The following CCDC47 variants were observed in gnomAD, a reference collection of about 807,000 sequenced individuals.
CCDC47 encodes the protein coiled-coil domain containing 47, also known as PAT complex subunit CCDC47.
A neutral mutation model predicts 60.5 loss-of-function variants in CCDC47; 41 were observed. The observed-to-expected ratio is 0.68, with a 90% confidence interval of 0.53 to 0.88. CCDC47 has a LOEUF of 0.88. CCDC47 is among the 40% of genes least tolerant of loss of function. CCDC47 has a pLI of 0.00. For missense variants in CCDC47, 513 were observed against 580.9 expected (o/e 0.88, Z 1.20); for synonymous variants, 195 against 190.7 (o/e 1.02, Z -0.18).
intron 12 of CCDC47, among the ~76,000 whole-genome samples, chr17:63,749,594 C>T (rs912597272): frequency 7.9e-5 from 12 of 151,214 alleles, no homozygotes; most frequent in Non-Finnish European, 1.8e-4. Flanking sequence ...ACTAAAAATA[C>T]AAAAATTAGC....
intron 12 of CCDC47, 74 bp downstream of exon 12, chr17:63,751,866 C>A: frequency 6.5e-7 from 1 of 1,539,020 alleles, no homozygotes; most frequent in African/African-American, 1.4e-5. Flanking sequence ...ACAAAGATTA[C>A]CTTAACAACC....
intron 4 of CCDC47, among the ~76,000 whole-genome samples, chr17:63,763,089 T>C (rs1308863115): frequency 6.6e-6 from 1 of 152,074 alleles, no homozygotes; most frequent in Non-Finnish European, 1.5e-5. Flanking sequence ...GGCCAATTTT[T>C]ATTTTATTTT....
At chr17:63,763,524 C>CA (rs919896810) in intron 4 of CCDC47, among the ~76,000 whole-genome samples, 15 of 150,884 alleles carry the variant, frequency 9.9e-5, no homozygotes, top group African/African-American at 3.2e-4. Context: ...GACCTTGCCT[C>CA]AAAAAAATAA....
intron 12 of CCDC47, among the ~76,000 whole-genome samples, chr17:63,748,113 C>T (rs887026506): frequency 6.6e-6 from 1 of 151,914 alleles, no homozygotes; most frequent in South Asian, 2.1e-4. Context: ...CTATGGCCTC[C>T]CAACGTGCTG....
intron 6 of CCDC47, 61 bp downstream of exon 6, chr17:63,760,853 A>T: frequency 1.8e-5 from 21 of 1,151,690 alleles, no homozygotes; most frequent in Non-Finnish European, 2.6e-5. Flanking sequence ...AAAAAAAAAA[A>T]GAAAGAAAGA....
chr17:63,758,900 A>G (rs1452267589), intron 6 of CCDC47, among the ~76,000 whole-genome samples: 1 of 152,212 alleles, frequency 6.6e-6, no homozygotes, highest in East Asian at 1.9e-4. Flanking sequence ...AAAAGGGGCA[A>G]ATAAAATATA....
chr17:63,757,174 A>C (rs966904314), intron 6 of CCDC47, among the ~76,000 whole-genome samples: 11 of 148,942 alleles, frequency 7.4e-5, no homozygotes, highest in African/African-American at 2.5e-4. Context: ...CAGCCTAGGC[A>C]ACATAATGGG....
In CCDC47 at chr17:63,768,472, G is replaced by A. The variant is rs59373581; in HGVS notation, c.-19-2278C>T. Among the ~76,000 whole-genome samples, 54 of 151,448 alleles carry A rather than the reference G, an allele frequency of 3.6e-4. No homozygotes were observed. In the South Asian group the frequency reaches 0.011, roughly 31 times the overall value. ...GGAGACTGGGGTGAGTGAACTGCTC[G>A]AGCCCAAGAGTTGGAGACCAGCCTT... is the stretch of plus-strand genomic sequence containing the variant. On this transcript the variant is annotated intron_variant, in intron 1 of 12. Transcript: ENST00000225726.
At chr17:63,751,863 T>TTA in intron 12 of CCDC47, 77 bp downstream of exon 12, 1 of 1,514,344 alleles carries the variant, frequency 6.6e-7, no homozygotes, top group Non-Finnish European at 9.2e-7. Flanking sequence ...CCTACAAAGA[T>TTA]TACCTTAACA....
intron 12 of CCDC47, 54 bp downstream of exon 12, chr17:63,751,886 C>G (rs781595333): frequency 6.3e-7 from 1 of 1,587,544 alleles, no homozygotes; most frequent in East Asian, 2.2e-5. Flanking sequence ...CAACAGAACA[C>G]AAGCAGTCAT....
intron 8 of CCDC47, among the ~76,000 whole-genome samples, chr17:63,755,955 G>A (rs1402384206): frequency 6.8e-6 from 1 of 147,964 alleles, no homozygotes; most frequent in African/African-American, 2.5e-5. Context: ...TAAATGACAT[G>A]ACGAAAAAGA....
chr17:63,759,508 AATATAT>A (rs1415946852), intron 6 of CCDC47, among the ~76,000 whole-genome samples: 1 of 19,648 alleles, frequency 5.1e-5, no homozygotes, highest in Non-Finnish European at 7.2e-5. Context: ...AAAAAAAAAA[AATATAT>A]ATATATATAT....
At chr17:63,770,479 G>A (rs1386629425) in intron 1 of CCDC47, among the ~76,000 whole-genome samples, 8 of 152,174 alleles carry the variant, frequency 5.3e-5, no homozygotes, top group Non-Finnish European at 1.0e-4. Flanking sequence ...GCAACTGCAG[G>A]GAAGTGATAA....
intron 4 of CCDC47, 150 bp from the exon 5 acceptor site, chr17:63,761,501 G>A: frequency 3.8e-6 from 2 of 525,954 alleles, no homozygotes; most frequent in Non-Finnish European, 6.5e-6. Flanking sequence ...CCAGCATGGT[G>A]AAACCCTGTC....
chr17:63,753,532 A>G, intron 9 of CCDC47: 1 of 550,838 alleles, frequency 1.8e-6, no homozygotes, highest in Non-Finnish European at 2.3e-6. Flanking sequence ...CTAAAAATTT[A>G]GTCAGAACCA....
chr17:63,764,557 G>C lies in CCDC47; in HGVS notation c.372+183C>G, dbSNP rs373219317. The stretch of plus-strand genomic sequence containing the variant: ...ATGATGAATAGGGGTTGCTTCTGTA[G>C]GTGTTGATTTTTTTTTTTTTGAGAC... On this transcript the variant is annotated intron_variant, in intron 3 of 12. Coordinates refer to ENST00000225726, the MANE Select transcript of CCDC47 (RefSeq NM_020198.3). 9.9e-5 allele frequency among the ~76,000 whole-genome samples: 15 copies of C among 151,930 alleles called. No individual in the cohort carries two copies. The East Asian group carries it at 2.9e-3, about 29-fold the overall frequency.
intron 6 of CCDC47, among the ~76,000 whole-genome samples, chr17:63,760,284 A>G (rs1166465375): frequency 2.0e-5 from 3 of 152,142 alleles, no homozygotes; most frequent in Non-Finnish European, 2.9e-5. Flanking sequence ...AAACATATAC[A>G]AGGAGCCAAG....
At chr17:63,760,875 T>C in intron 6 of CCDC47, 39 bp downstream of exon 6, 1 of 1,339,232 alleles carries the variant, frequency 7.5e-7, no homozygotes, top group Non-Finnish European at 1.0e-6. Context: ...AACAAATAAT[T>C]CAGTCTGTAC....
rs2039117897 is a variant in CCDC47, at chr17:63,746,018, C to G, written c.*863G>C. 1 of 152,180 alleles carries G rather than the reference C, an allele frequency of 6.6e-6. No homozygotes were observed. The highest frequency in any genetic ancestry group is 2.1e-4 in the South Asian group (1 of 4,832). 9.4% of individuals were successfully genotyped at this position (152,180 alleles called of 1,614,324 possible). A position where few individuals can be genotyped will look rare whatever the true frequency, so the allele number is the denominator to read the frequency against. On this transcript the variant is annotated 3_prime_UTR_variant, in exon 13 of 13. Transcript: ENST00000225726. Reference sequence around the variant, plus strand: ...CACAGCCATAATATAGAGAACAGAGCTTCTCCATGAACATCCACCAGGCTG... The same window carrying G: ...CACAGCCATAATATAGAGAACAGAGGTTCTCCATGAACATCCACCAGGCTG...
Sources: allele counts gnomAD v4.1 joint callset (sites outside exome capture counted in the v4.1 genomes callset), GRCh38; gene constraint gnomAD v4.1.1; transcripts MANE v1.5; gene names NCBI Gene and HGNC (gene_info 2026-07-23, HGNC 2026-07-21).